The following PWWP2A variants were observed in gnomAD, a reference collection of about 807,000 sequenced individuals.
The protein encoded by PWWP2A is PWWP domain containing 2A.
In PWWP2A, 18 loss-of-function variants were observed where a neutral mutation model predicts 48.5. The ratio of observed to expected loss-of-function variants is 0.37; its 90% confidence interval spans 0.26 to 0.55. The LOEUF (loss-of-function observed/expected upper bound fraction) is 0.55. Among genes scored for constraint, PWWP2A ranks in the 20% least tolerant of loss-of-function variants. PWWP2A has a pLI of 0.81. For synonymous variants in PWWP2A, 396 were observed against 387.7 expected (o/e 1.02, Z -0.25); for missense variants, 867 against 976.4 (o/e 0.89, Z 1.49).
chr5:160,102,249 A>T (rs1160178770), intron 1 of PWWP2A, among the ~76,000 whole-genome samples: 1 of 151,200 alleles, frequency 6.6e-6, no homozygotes, highest in Admixed American at 6.6e-5. Flanking sequence ...TCTACTAAAA[A>T]TACAAAAAAT....
chr5:160,051,098 T>TA, the PWWP2A span: 6 of 1,433,500 alleles, frequency 4.2e-6, no homozygotes, highest in African/African-American at 1.5e-5. Context: ...TTTTTTTTTT[T>TA]ACCAACCCTT....
At chr5:160,095,047 CAAAAAAAAAAAAAAA>C (rs70987998) in intron 1 of PWWP2A, among the ~76,000 whole-genome samples, 17 of 30,882 alleles carry the variant, frequency 5.5e-4, no homozygotes, top group African/African-American at 1.2e-3. Flanking sequence ...GACTCTGTCT[CAAAAAAAAAAAAAAA>C]AAAAAAAAAA....
chr5:160,077,863 T>TAG lies in PWWP2A; in HGVS notation c.*291_*292insCT. On this transcript the variant is annotated 3_prime_UTR_variant, in exon 4 of 4. Coordinates refer to the PWWP2A transcript ENST00000456329. The surrounding 1 kb of genome is among the most constrained non-coding windows in gnomAD (Gnocchi z 4.2). ...CATTCCAAAGAAGTTACTGTCAGTGTTTCTTCATATATAAAATTCAAGTGA... is the reference window on the plus strand; with the variant it reads ...CATTCCAAAGAAGTTACTGTCAGTGTAGTTCTTCATATATAAAATTCAAGTGA... 5.7e-6 allele frequency: 2 copies of TAG among 352,440 alleles called. No individual in the cohort carries two copies. Among genetic ancestry groups the TAG allele is most frequent in the South Asian group, 9.6e-5 (2 of 20,778 alleles). 21.8% of individuals were successfully genotyped at this position (352,440 alleles called of 1,614,324 possible).
At position 160,092,931 on chromosome 5, in the gene PWWP2A, C is replaced by T; in HGVS notation, c.1719G>A (p.Lys573=). The change falls in exon 2 of 2, where the codon AAG becomes AAA. Residue 573 remains lysine, a synonymous_variant. Transcript: ENST00000307063. The part of the protein sequence containing the change: ...NISVYMTLNQ[K]KSDSSSASVC... ...CTGAAGCACTGGAAGAGTCAGATTT[C>T]TTTTGATTTAGGGTCATATAAACAG... 6.4e-7 allele frequency: 1 copy of T among 1,551,686 alleles called. No homozygotes were observed.
At chr5:160,083,967 A>G (rs1366578939) in intron 2 of PWWP2A, among the ~76,000 whole-genome samples, 1 of 152,238 alleles carries the variant, frequency 6.6e-6, no homozygotes, top group Admixed American at 6.5e-5. Context: ...TAGTGAGTCC[A>G]TGCTACTTCC....
intron 5 of PWWP2A, among the ~76,000 whole-genome samples, chr5:160,062,310 C>A (rs1221797773): frequency 1.3e-5 from 2 of 152,168 alleles, no homozygotes; most frequent in Non-Finnish European, 2.9e-5. Flanking sequence ...TAGTGCAGAC[C>A]AGCCTAAAGC....
chr5:160,063,096 C>T (rs1753478761), intron 5 of PWWP2A, among the ~76,000 whole-genome samples: 1 of 152,186 alleles, frequency 6.6e-6, no homozygotes, highest in African/African-American at 2.4e-5. Context: ...GTTCTGGGAG[C>T]TTTCTCAATT....
intron 1 of PWWP2A, among the ~76,000 whole-genome samples, chr5:160,111,434 C>T (rs553392576): frequency 9.5e-4 from 145 of 151,902 alleles, no homozygotes; most frequent in African/African-American, 3.4e-3. Flanking sequence ...TCCCAAAGTG[C>T]TGGTATTACA....
chr5:160,085,621 C>T (rs1298179792), intron 2 of PWWP2A, among the ~76,000 whole-genome samples: 1 of 151,096 alleles, frequency 6.6e-6, no homozygotes. Flanking sequence ...ATTCTCTTGC[C>T]TCAGCCTACT....
At chr5:160,099,691 T>C (rs1264908326) in intron 1 of PWWP2A, among the ~76,000 whole-genome samples, 4 of 151,314 alleles carry the variant, frequency 2.6e-5, no homozygotes, top group Admixed American at 1.3e-4. Flanking sequence ...TTTTTTTTTT[T>C]TTTGGAAACA....
downstream of PWWP2A, among the ~76,000 whole-genome samples, chr5:160,060,884 C>G (rs745921777): frequency 1.3e-5 from 2 of 152,216 alleles, no homozygotes; most frequent in African/African-American, 4.8e-5. Flanking sequence ...AGCCCATCTA[C>G]CCAAGCATTG....
intron 1 of PWWP2A, chr5:160,113,318 T>A (rs1473652325): frequency 1.0e-6 from 1 of 983,228 alleles, no homozygotes; most frequent in Non-Finnish European, 1.2e-6. Flanking sequence ...ACCAAATAAA[T>A]CTGAAAATAA....
downstream of PWWP2A, chr5:160,089,926 T>A: frequency 1.0e-6 from 1 of 985,250 alleles, no homozygotes; most frequent in Non-Finnish European, 1.2e-6. Flanking sequence ...ACTGGACAAA[T>A]TTATCTAAGA....
chr5:160,054,740 CAT>C, the PWWP2A span, among the ~76,000 whole-genome samples: 1 of 151,808 alleles, frequency 6.6e-6, no homozygotes, highest in Non-Finnish European at 1.5e-5. Flanking sequence ...GTTTGAGGAA[CAT>C]AAAGATTTGA....
rs1325258675 is a variant in PWWP2A, at chr5:160,119,282, C to T, written c.107G>A (p.Gly36Asp). Residue 36 changes from glycine (G) to aspartate (D), a missense_variant, in exon 1 of 2, where the codon GGC becomes GAC. Transcript: ENST00000307063. ...EMEPIPGSEA[G>D]TDPLPVTATE... is the part of the protein sequence containing the mutation. ...GGCCGTGACCGGGAGGGGGTCAGTGCCGGCCTCACTGCCGGGGATGGGCTC... is the reference window on the plus strand; with the variant it reads ...GGCCGTGACCGGGAGGGGGTCAGTGTCGGCCTCACTGCCGGGGATGGGCTC... The T allele has an allele frequency of 2.9e-6, 4 of 1,385,526 alleles. No individual in the cohort carries two copies. In the African/African-American group the frequency reaches 4.6e-5, roughly 16 times the overall value. 85.8% of individuals were successfully genotyped at this position (1,385,526 alleles called of 1,614,324 possible).
At chr5:160,107,133 G>A (rs775377019) in intron 1 of PWWP2A, among the ~76,000 whole-genome samples, 4 of 151,876 alleles carry the variant, frequency 2.6e-5, no homozygotes, top group South Asian at 2.1e-4. Context: ...GGCCTTAACC[G>A]GGAACCTTTA....
At chr5:160,067,624 G>A (rs1426858183) in intron 2 of PWWP2A, among the ~76,000 whole-genome samples, 2 of 152,136 alleles carry the variant, frequency 1.3e-5, no homozygotes, top group African/African-American at 4.8e-5. Context: ...TGCTACACAA[G>A]GCCAATATTA....
intron 1 of PWWP2A, chr5:160,108,480 A>G (rs1757123408): frequency 3.0e-6 from 2 of 666,890 alleles, no homozygotes. Context: ...ATTCAAGCAT[A>G]CTACTTGAGG....
At chr5:160,094,125 TTAAACG>T in intron 1 of PWWP2A, 60 bp from the exon 2 acceptor site, 2 of 1,462,540 alleles carry the variant, frequency 1.4e-6, no homozygotes, top group Non-Finnish European at 1.8e-6. Flanking sequence ...ATTCAATTTC[TTAAACG>T]TAAACAACAT....
Sources: gnomAD v4.1 joint callset for allele counts (sites outside exome capture counted in the v4.1 genomes callset) on GRCh38, gnomAD v4.1.1 for gene constraint, Gnocchi (gnomAD v3.1) non-coding constraint, MANE v1.5 for transcripts, NCBI Gene and HGNC (gene_info 2026-07-23, HGNC 2026-07-21) for gene names.